Variants in AUTS2 observed in about 807,000 individuals in gnomAD.
The protein encoded by AUTS2 is activator of transcription and developmental regulator AUTS2.
AUTS2 carries 17 observed loss-of-function variants against 112.4 expected under a neutral mutation model. The ratio of observed to expected loss-of-function variants is 0.15; its 90% confidence interval spans 0.10 to 0.23. AUTS2 has a LOEUF of 0.23. Ranked by LOEUF, AUTS2 falls within the 10% of genes least tolerant of loss-of-function variation. The pLI is 1.00. For missense variants in AUTS2, 1,510 were observed against 1,701.6 expected, an observed-to-expected ratio of 0.89 and a Z score of 1.98; for synonymous variants, 751 against 702.7, an observed-to-expected ratio of 1.07 and a Z score of -1.09.
intron 3 of AUTS2, among the ~76,000 whole-genome samples, chr7:70,121,119 T>C (rs1203125422): frequency 6.6e-6 from 1 of 152,164 alleles, no homozygotes; most frequent in African/African-American, 2.4e-5. Flanking sequence ...CTTTAACAGA[T>C]GGTGTTGAGA....
intron 1 of AUTS2, among the ~76,000 whole-genome samples, chr7:69,741,241 T>C (rs536974482): frequency 3.3e-5 from 5 of 152,166 alleles, no homozygotes; most frequent in Non-Finnish European, 7.3e-5. Flanking sequence ...CTTTTGCAAA[T>C]AGGCTTGGGA....
intron 1 of AUTS2, among the ~76,000 whole-genome samples, chr7:69,667,863 C>T (rs1415279252): frequency 6.6e-6 from 1 of 152,210 alleles, no homozygotes; most frequent in Non-Finnish European, 1.5e-5. Context: ...TACAGCCTCA[C>T]TTCCACCTCT....
chr7:69,811,633 T>C (rs1790546456), intron 1 of AUTS2, among the ~76,000 whole-genome samples: 1 of 152,184 alleles, frequency 6.6e-6, no homozygotes, highest in Non-Finnish European at 1.5e-5. Context: ...TAGACTTTGC[T>C]GTACCTGCAA....
At chr7:70,689,335 G>A (rs1387068101) in intron 5 of AUTS2, among the ~76,000 whole-genome samples, 1 of 151,926 alleles carries the variant, frequency 6.6e-6, no homozygotes, top group Non-Finnish European at 1.5e-5. Flanking sequence ...GAGCTGTGAT[G>A]GCACCACTGC....
chr7:70,346,450 C>T (rs1052367031), intron 4 of AUTS2, among the ~76,000 whole-genome samples: 1 of 152,194 alleles, frequency 6.6e-6, no homozygotes, highest in Non-Finnish European at 1.5e-5. Context: ...CTGGGTTCCA[C>T]ATCCCATACC....
intron 5 of AUTS2, among the ~76,000 whole-genome samples, chr7:70,534,657 C>T (rs953502721): frequency 7.2e-5 from 11 of 152,180 alleles, no homozygotes; most frequent in African/African-American, 2.4e-4. Flanking sequence ...AACTCCTGAC[C>T]TCAGGTGATC....
At chr7:70,284,990 T>C (rs184719339) in intron 4 of AUTS2, among the ~76,000 whole-genome samples, 34 of 152,348 alleles carry the variant, frequency 2.2e-4, no homozygotes, top group Admixed American at 1.9e-3. Flanking sequence ...TACTATTGTT[T>C]CCTTTTTGTT....
At chr7:70,493,304 T>C (rs568118980) in intron 5 of AUTS2, among the ~76,000 whole-genome samples, 1 of 152,294 alleles carries the variant, frequency 6.6e-6, no homozygotes, top group East Asian at 1.9e-4. Flanking sequence ...GCTCTTTGAA[T>C]AGATCTTGCA....
At chr7:69,759,770 G>T (rs187245071) in intron 1 of AUTS2, among the ~76,000 whole-genome samples, 1 of 924 alleles carries the variant, frequency 1.1e-3, no homozygotes. Context: ...TCTCATCCCC[G>T]CCCCCCCCCC....
At chr7:69,909,276 A>G (rs1795264255) in intron 2 of AUTS2, among the ~76,000 whole-genome samples, 1 of 152,242 alleles carries the variant, frequency 6.6e-6, no homozygotes, top group Admixed American at 6.5e-5. Context: ...GATGTTTTCA[A>G]AATAGCTACT....
intron 1 of AUTS2, among the ~76,000 whole-genome samples, chr7:69,610,353 ACT>A (rs763441465): frequency 3.3e-5 from 5 of 152,124 alleles, no homozygotes; most frequent in Admixed American, 6.5e-5. Context: ...ACCTCTACTC[ACT>A]CTCTGGACTG....
chr7:69,760,328 C>T (rs1308457349), intron 1 of AUTS2, among the ~76,000 whole-genome samples: 1 of 150,878 alleles, frequency 6.6e-6, no homozygotes, highest in Admixed American at 6.6e-5. Context: ...AGTCATCGCA[C>T]CTGGCCTCTT....
intron 1 of AUTS2, among the ~76,000 whole-genome samples, chr7:69,752,438 A>G (rs181962906): frequency 6.6e-6 from 1 of 152,234 alleles, no homozygotes; most frequent in Admixed American, 6.5e-5. Context: ...TAATCAATCT[A>G]CAGTTAACTC....
At chr7:69,843,114 G>C (rs1792052274) in intron 1 of AUTS2, among the ~76,000 whole-genome samples, 1 of 152,108 alleles carries the variant, frequency 6.6e-6, no homozygotes, top group Admixed American at 6.6e-5. Context: ...CTGGAAGTAA[G>C]ATAAAGTGAT....
chr7:70,341,423 A>T (rs1310427293), intron 4 of AUTS2, among the ~76,000 whole-genome samples: 2 of 152,240 alleles, frequency 1.3e-5, no homozygotes, highest in Non-Finnish European at 2.9e-5. Context: ...TCATGGGCGG[A>T]GCCGCTGTGA....
intron 2 of AUTS2, among the ~76,000 whole-genome samples, chr7:69,927,559 G>C (rs1796070197): frequency 6.6e-6 from 1 of 152,152 alleles, no homozygotes; most frequent in Admixed American, 6.5e-5. Flanking sequence ...CATTCCTGCT[G>C]GGCTCATTCC....
At chr7:70,205,462 C>A (rs1184010488) in intron 4 of AUTS2, among the ~76,000 whole-genome samples, 1 of 152,124 alleles carries the variant, frequency 6.6e-6, no homozygotes, top group Non-Finnish European at 1.5e-5. Flanking sequence ...TAGTGGAGAT[C>A]CAATAAATTA....
At chr7:69,925,200 A>G (rs1443407069) in intron 2 of AUTS2, among the ~76,000 whole-genome samples, 5 of 151,812 alleles carry the variant, frequency 3.3e-5, no homozygotes, top group Non-Finnish European at 5.9e-5. Context: ...TATTAATTTT[A>G]TTGATCTTCT....
Position 70,791,121 on chromosome 7 carries a change from A to G in AUTS2, c.*125A>G, listed in dbSNP as rs536364784. 21 of 990,642 alleles carry G rather than the reference A, an allele frequency of 2.1e-5. No individual in the cohort carries two copies. The highest frequency in any genetic ancestry group is 3.0e-4 in the Middle Eastern group (1 of 3,384). The allele number at this position is 990,642 out of a possible 1,614,324, so 61.4% of individuals were successfully genotyped here. A position where few individuals can be genotyped will look rare whatever the true frequency, so the allele number is the denominator to read the frequency against. On this transcript the variant is annotated 3_prime_UTR_variant, in exon 19 of 19. Transcript: ENST00000342771. ...GGAAAGCCCCACCCCTTCCCCTTGT[A>G]AAAAATGTATAGACTCAGTGCACAT...
Sources: gnomAD v4.1 joint callset for allele counts (sites outside exome capture counted in the v4.1 genomes callset) on GRCh38, gnomAD v4.1.1 for gene constraint, MANE v1.5 for transcripts, NCBI Gene and HGNC (gene_info 2026-07-23, HGNC 2026-07-21) for gene names.